NRG3: variants seen among roughly 807,000 people sequenced by gnomAD.
NRG3 encodes the protein neuregulin 3.
Under a neutral mutation model 66.9 loss-of-function variants are expected in NRG3, and 31 were observed. The ratio of observed to expected loss-of-function variants is 0.46; its 90% CI spans 0.35 to 0.63. The LOEUF (loss-of-function observed/expected upper bound fraction) is 0.63. Ranked by LOEUF, NRG3 falls within the 20% of genes least tolerant of loss-of-function variation. NRG3 has a pLI of 0.00. For synonymous variants in NRG3, 393 were observed against 359.4 expected (o/e 1.09, Z -1.06); for missense variants, 910 against 878.9 (o/e 1.04, Z -0.45).
intron 1 of NRG3, among the ~76,000 whole-genome samples, chr10:82,019,944 C>T (rs1430001359): frequency 6.6e-6 from 1 of 151,870 alleles, no homozygotes; most frequent in Non-Finnish European, 1.5e-5. Flanking sequence ...TCCTTTAGTT[C>T]TGCTCTGATC....
At chr10:82,586,439 C>T (rs1460632216) in intron 2 of NRG3, among the ~76,000 whole-genome samples, 1 of 152,058 alleles carries the variant, frequency 6.6e-6, no homozygotes, top group Non-Finnish European at 1.5e-5. Flanking sequence ...GATTGGACAG[C>T]ATGGTTGTTG....
intron 4 of NRG3, among the ~76,000 whole-genome samples, chr10:82,907,109 T>C (rs1281629257): frequency 6.6e-6 from 1 of 152,166 alleles, no homozygotes; most frequent in Non-Finnish European, 1.5e-5. Context: ...CTTTATCCCA[T>C]CGCTAAGAGC....
chr10:82,160,659 T>C (rs2071521737), intron 1 of NRG3, among the ~76,000 whole-genome samples: 2 of 151,992 alleles, frequency 1.3e-5, no homozygotes, highest in South Asian at 4.1e-4. Flanking sequence ...ACCCTATCAA[T>C]TTGAATAACT....
At chr10:82,860,758 T>C (rs993918346) in intron 3 of NRG3, among the ~76,000 whole-genome samples, 3 of 152,230 alleles carry the variant, frequency 2.0e-5, no homozygotes, top group Admixed American at 6.5e-5. Flanking sequence ...ATGTATGTCA[T>C]AGATAAAATC....
At chr10:82,776,228 C>A (rs957343037) in intron 3 of NRG3, among the ~76,000 whole-genome samples, 1 of 152,154 alleles carries the variant, frequency 6.6e-6, no homozygotes, top group African/African-American at 2.4e-5. Context: ...TTTCTTCTTT[C>A]AGCACTTTGA....
chr10:82,183,525 C>T (rs1403181181), intron 1 of NRG3, among the ~76,000 whole-genome samples: 5 of 151,932 alleles, frequency 3.3e-5, no homozygotes, highest in South Asian at 2.1e-4. Flanking sequence ...TTTTTGTCTG[C>T]GGACCACATA....
At chr10:82,065,300 T>C (rs904008806) in intron 1 of NRG3, among the ~76,000 whole-genome samples, 2 of 152,220 alleles carry the variant, frequency 1.3e-5, no homozygotes, top group Non-Finnish European at 2.9e-5. Context: ...ACACTCTGCT[T>C]CCTCTCACCA....
At chr10:82,666,818 T>C (rs1213122498) in intron 2 of NRG3, among the ~76,000 whole-genome samples, 4 of 152,242 alleles carry the variant, frequency 2.6e-5, no homozygotes, top group African/African-American at 9.6e-5. Context: ...TAGAACACTT[T>C]ATTCTTCGTA....
At chr10:82,204,838 G>C (rs1044586022) in intron 1 of NRG3, among the ~76,000 whole-genome samples, 10 of 152,136 alleles carry the variant, frequency 6.6e-5, no homozygotes, top group Non-Finnish European at 1.2e-4. Flanking sequence ...TTCTTGTGAT[G>C]CTATCATTTT....
At chr10:82,043,462 A>G (rs912990584) in intron 1 of NRG3, among the ~76,000 whole-genome samples, 2 of 152,016 alleles carry the variant, frequency 1.3e-5, no homozygotes, top group Non-Finnish European at 2.9e-5. Flanking sequence ...TGATAAATAT[A>G]TTTGTGTTCA....
At chr10:82,696,658 A>C (rs2055407228) in intron 2 of NRG3, among the ~76,000 whole-genome samples, 1 of 152,168 alleles carries the variant, frequency 6.6e-6, no homozygotes. Context: ...AAGGCCAAGC[A>C]CATGCCCCCT....
At chr10:82,706,934 C>T (rs2056330353) in intron 2 of NRG3, among the ~76,000 whole-genome samples, 1 of 150,802 alleles carries the variant, frequency 6.6e-6, no homozygotes. Context: ...GCGGAGGTTG[C>T]AGTGAGCTGA....
chr10:82,256,130 G>T (rs1310879048), intron 1 of NRG3, among the ~76,000 whole-genome samples: 1 of 151,188 alleles, frequency 6.6e-6, no homozygotes, highest in South Asian at 2.1e-4. Context: ...CACCATATTG[G>T]CCAGGCTGGT....
chr10:82,699,857 CTGTG>C (rs59381778), intron 2 of NRG3, among the ~76,000 whole-genome samples: 10,706 of 149,590 alleles, frequency 0.072, 1,146 homozygotes, highest in African/African-American at 0.24. Context: ...TATGGATGAT[CTGTG>C]TGTGTGTGTG....
chr10:82,303,157 T>C (rs932310985), intron 1 of NRG3, among the ~76,000 whole-genome samples: 44 of 152,352 alleles, frequency 2.9e-4, no homozygotes, highest in Admixed American at 1.5e-3. Context: ...AACTTTAAAA[T>C]AGGCTTGATG....
chr10:82,157,716 T>C (rs1407535757), intron 1 of NRG3, among the ~76,000 whole-genome samples: 1 of 140,354 alleles, frequency 7.1e-6, no homozygotes, highest in Admixed American at 7.4e-5. Flanking sequence ...CAGACATGAA[T>C]ACCATTGGCA....
At chr10:82,739,224 A>G (rs928610717) in intron 3 of NRG3, among the ~76,000 whole-genome samples, 2 of 152,338 alleles carry the variant, frequency 1.3e-5, no homozygotes, top group South Asian at 4.1e-4. Context: ...TTTGCAGACT[A>G]AAAAATATGG....
intron 2 of NRG3, among the ~76,000 whole-genome samples, chr10:82,406,880 G>A (rs916277066): frequency 1.3e-5 from 2 of 152,098 alleles, no homozygotes; most frequent in African/African-American, 2.4e-5. Context: ...TCTCTAGGAT[G>A]TAATTTATTT....
Position 82,075,745 on chromosome 10 carries a change from T to A in NRG3, c.823+199582T>A, listed in dbSNP as rs544650455. ...GTGTGAGAGTGTGTGTCTGTGTGTG[T>A]AATGAGACATTAAAGTGGCCCTAGT... is the stretch of plus-strand genomic sequence containing the variant. On this transcript the variant is annotated intron_variant, in intron 1 of 8. Transcript: ENST00000372141. 3.3e-5 allele frequency among the ~76,000 whole-genome samples: 5 copies of A among 152,202 alleles called. No individual in the cohort carries two copies. In the East Asian group the frequency reaches 9.7e-4, roughly 29 times the overall value.
Sources: gnomAD v4.1 joint callset for allele counts (sites outside exome capture counted in the v4.1 genomes callset) on GRCh38, gnomAD v4.1.1 for gene constraint, MANE v1.5 for transcripts, NCBI Gene and HGNC (gene_info 2026-07-23, HGNC 2026-07-21) for gene names.